CPNE8: variants seen among roughly 807,000 people sequenced by gnomAD.
CPNE8 encodes the protein copine-8.
CPNE8 carries 45 observed loss-of-function variants against 81.5 expected under a neutral mutation model. The observed-to-expected ratio is 0.55, with a 90% confidence interval of 0.44 to 0.71. The LOEUF (loss-of-function observed/expected upper bound fraction) is 0.71, where lower values mean the gene tolerates loss of function less well. Ranked by LOEUF, CPNE8 falls within the 30% of genes least tolerant of loss-of-function variation. CPNE8 has a pLI of 0.00. For missense variants in CPNE8, 594 were observed against 672.1 expected (o/e 0.88, Z 1.28); for synonymous variants, 252 against 226.3 (o/e 1.11, Z -1.02).
intron 10 of CPNE8, among the ~76,000 whole-genome samples, chr12:38,738,921 C>T (rs1318401829): frequency 6.6e-6 from 1 of 151,470 alleles, no homozygotes; most frequent in African/African-American, 2.4e-5. Context: ...ACAAGGGATC[C>T]TCCTGCCTCA....
chr12:38,846,450 G>A (rs1271181850), intron 4 of CPNE8, among the ~76,000 whole-genome samples: 1 of 152,122 alleles, frequency 6.6e-6, no homozygotes, highest in Non-Finnish European at 1.5e-5. Flanking sequence ...GATTTTGGGA[G>A]CTGGCAAAAG....
At chr12:38,842,907 T>A (rs906088392) in intron 4 of CPNE8, among the ~76,000 whole-genome samples, 2 of 152,128 alleles carry the variant, frequency 1.3e-5, no homozygotes, top group African/African-American at 4.8e-5. Context: ...TTTAACACAA[T>A]TTTTCTTCTA....
At chr12:38,744,928 AC>A (rs1941194708) in intron 10 of CPNE8, among the ~76,000 whole-genome samples, 2 of 152,200 alleles carry the variant, frequency 1.3e-5, no homozygotes, top group Admixed American at 6.5e-5. Flanking sequence ...TCTCCTAATG[AC>A]CTCCATAATC....
At chr12:38,904,612 G>A (rs947308991) in intron 1 of CPNE8, among the ~76,000 whole-genome samples, 1 of 151,918 alleles carries the variant, frequency 6.6e-6, no homozygotes, top group Non-Finnish European at 1.5e-5. Flanking sequence ...GGGACTACAG[G>A]CGCGTGCCAC....
rs1190772964 is a variant in CPNE8 at position 38,717,427 on chromosome 12, GTGTATATATATA to G, written c.914+6333_914+6344del. Among the ~76,000 whole-genome samples, 89 of 69,710 alleles carry G rather than the reference GTGTATATATATA, an allele frequency of 1.3e-3. 4 individuals are homozygous for G. The highest frequency in any genetic ancestry group is 1.7e-3 in the Non-Finnish European group (64 of 38,710). The allele number at this position is 69,710 out of a possible 152,430, so 45.7% of individuals were successfully genotyped here. A position where few individuals can be genotyped will look rare whatever the true frequency, so the allele number is the denominator to read the frequency against. ...CCAACAAGTAAACAAAGAAAGTGTG[GTGTATATATATA>G]TATATATATATATATATATACACCA... On this transcript the variant is annotated intron_variant, in intron 13 of 19. Coordinates refer to ENST00000331366, the MANE Select transcript of CPNE8 (RefSeq NM_153634.3).
At chr12:38,734,067 T>C (rs1331250358) in intron 10 of CPNE8, among the ~76,000 whole-genome samples, 1 of 151,892 alleles carries the variant, frequency 6.6e-6, no homozygotes, top group African/African-American at 2.4e-5. Flanking sequence ...ATAACCAGTA[T>C]CTCTCATCAC....
At position 38,878,982 on chromosome 12, in the gene CPNE8, C is replaced by T. The variant is rs143153184; in HGVS notation, c.99-4471G>A. Reference sequence around the variant, plus strand: ...AAAAACTGTCAAATTGATTCAGCTACGACAACAACAACAACAAAAGCCAGG... The same window carrying T: ...AAAAACTGTCAAATTGATTCAGCTATGACAACAACAACAACAAAAGCCAGG... On this transcript the variant is annotated intron_variant, in intron 1 of 19. Transcript: ENST00000331366. Among the ~76,000 whole-genome samples, 81 of 152,244 alleles carry T rather than the reference C, an allele frequency of 5.3e-4. 1 individual carries two copies. The highest frequency in any genetic ancestry group is 3.4e-3 in the Middle Eastern group (1 of 294).
chr12:38,825,120 A>G (rs975751495), intron 6 of CPNE8, among the ~76,000 whole-genome samples: 9 of 152,192 alleles, frequency 5.9e-5, no homozygotes, highest in Admixed American at 5.2e-4. Flanking sequence ...TTTCTCGGCT[A>G]TTTCGGTCAT....
chr12:38,735,937 A>G (rs1940943269), intron 10 of CPNE8, among the ~76,000 whole-genome samples: 1 of 151,960 alleles, frequency 6.6e-6, no homozygotes, highest in South Asian at 2.1e-4. Context: ...AGAAGTGATC[A>G]TTTATCTCCA....
intron 6 of CPNE8, among the ~76,000 whole-genome samples, chr12:38,817,748 C>A (rs529429205): frequency 6.6e-6 from 1 of 151,232 alleles, no homozygotes; most frequent in Non-Finnish European, 1.5e-5. Context: ...CTCAGCCTCC[C>A]GAGTAGCTGG....
chr12:38,665,546 C>G (rs113218998), intron 19 of CPNE8, among the ~76,000 whole-genome samples: 2,246 of 152,228 alleles, frequency 0.015, 33 homozygotes, highest in South Asian at 0.044. Context: ...TTAGTTGCTG[C>G]TCTGCTCAGT....
intron 6 of CPNE8, among the ~76,000 whole-genome samples, chr12:38,788,482 T>C (rs1359513614): frequency 6.6e-6 from 1 of 151,922 alleles, no homozygotes; most frequent in Non-Finnish European, 1.5e-5. Context: ...CCATTTATGA[T>C]AGACCCACAG....
chr12:38,872,521 A>C (rs1944008149), intron 3 of CPNE8, among the ~76,000 whole-genome samples: 1 of 152,202 alleles, frequency 6.6e-6, no homozygotes, highest in Non-Finnish European at 1.5e-5. Flanking sequence ...ATAAATTAAC[A>C]ATTCAGTCTC....
intron 6 of CPNE8, among the ~76,000 whole-genome samples, chr12:38,779,551 T>C (rs934427254): frequency 1.3e-5 from 2 of 152,184 alleles, no homozygotes; most frequent in Admixed American, 6.6e-5. Flanking sequence ...CAACCAGGCT[T>C]GCTGTCTTAA....
Position 38,905,457 on chromosome 12 carries a change from C to T in CPNE8, c.78G>A (p.Val26=), listed in dbSNP as rs1177795717. The change falls in exon 1 of 20, where the codon GTG becomes GTA. Residue 26 remains valine, a synonymous_variant. Transcript: ENST00000331366. ...CTCACCTGCAGGACACGGACACCTC[C>T]ACCCGCGTGGCCGGGATGGCAGCGC... ...QLSAAIPATR[V]EVSVSCRNLL... is the part of the protein sequence containing the mutation. The T allele has an allele frequency of 6.4e-7, 1 of 1,569,292 alleles. No individual in the cohort carries two copies. The highest frequency in any genetic ancestry group is 8.6e-7 in the Non-Finnish European group (1 of 1,157,242).
chr12:38,859,063 A>C (rs1310003944), intron 3 of CPNE8, among the ~76,000 whole-genome samples: 1 of 152,172 alleles, frequency 6.6e-6, no homozygotes, highest in Non-Finnish European at 1.5e-5. Context: ...AATTCTCACC[A>C]CTTCTAATCG....
At chr12:38,727,502 T>C (rs1940731108) in intron 11 of CPNE8, among the ~76,000 whole-genome samples, 1 of 152,150 alleles carries the variant, frequency 6.6e-6, no homozygotes, top group Non-Finnish European at 1.5e-5. Flanking sequence ...AAAAAAAATG[T>C]GTCTTTTCTA....
At chr12:38,872,735 G>A (rs1944010698) in intron 3 of CPNE8, among the ~76,000 whole-genome samples, 1 of 152,174 alleles carries the variant, frequency 6.6e-6, no homozygotes, top group South Asian at 2.1e-4. Flanking sequence ...AAGAAATCAT[G>A]TCAAATAGAT....
chr12:38,838,061 G>A (rs759783043), intron 5 of CPNE8, among the ~76,000 whole-genome samples: 8 of 152,066 alleles, frequency 5.3e-5, no homozygotes, highest in Non-Finnish European at 1.2e-4. Context: ...TCTCTGCCCT[G>A]TACTTAAGGC....
Sources: gnomAD v4.1 joint callset for allele counts (sites outside exome capture counted in the v4.1 genomes callset) on GRCh38, gnomAD v4.1.1 for gene constraint, MANE v1.5 for transcripts, NCBI Gene and HGNC (gene_info 2026-07-23, HGNC 2026-07-21) for gene names.